ASCC3: variants seen among roughly 807,000 people sequenced by gnomAD.
ASCC3 encodes the protein activating signal cointegrator 1 complex subunit 3, also known as ASC-1 complex subunit P200.
ASCC3 carries 158 observed loss-of-function variants against 256.3 expected under a neutral mutation model. The ratio of observed to expected loss-of-function variants is 0.62; its 90% CI spans 0.54 to 0.70. ASCC3 has a LOEUF of 0.70. Among genes scored for constraint, ASCC3 ranks in the 30% least tolerant of loss-of-function variants. The pLI is 0.00. For synonymous variants in ASCC3, 948 were observed against 883.4 expected, an observed-to-expected ratio of 1.07 and a Z score of -1.30; for missense variants, 2,259 against 2,626.0, an observed-to-expected ratio of 0.86 and a Z score of 3.05.
chr6:100,525,180 A>AAAAAG (rs1774514759), intron 37 of ASCC3, among the ~76,000 whole-genome samples: 1 of 147,752 alleles, frequency 6.8e-6, no homozygotes, highest in Non-Finnish European at 1.5e-5. Flanking sequence ...AAAAAAAAAA[A>AAAAAG]AAAGAAAGAA....
intron 4 of ASCC3, among the ~76,000 whole-genome samples, chr6:100,816,950 A>T (rs921461652): frequency 6.6e-6 from 1 of 151,980 alleles, no homozygotes; most frequent in East Asian, 1.9e-4. Context: ...TAAAAAAAAA[A>T]GAAATATAGG....
intron 36 of ASCC3, among the ~76,000 whole-genome samples, chr6:100,551,702 G>T (rs536060856): frequency 1.3e-4 from 20 of 152,012 alleles, no homozygotes; most frequent in Non-Finnish European, 2.7e-4. Flanking sequence ...GATCTTCAAA[G>T]GAGCTGACAT....
intron 14 of ASCC3, among the ~76,000 whole-genome samples, chr6:100,664,493 T>G (rs1776376533): frequency 6.6e-6 from 1 of 152,134 alleles, no homozygotes; most frequent in Non-Finnish European, 1.5e-5. Flanking sequence ...AACTTACACA[T>G]TTTGAGCCTC....
At chr6:100,558,587 GTGTTTT>G (rs142740587) in intron 36 of ASCC3, among the ~76,000 whole-genome samples, 2,491 of 152,182 alleles carry the variant, frequency 0.016, 58 homozygotes, top group African/African-American at 0.057. Flanking sequence ...GATTTGTGGG[GTGTTTT>G]TGTTCCTTAT....
At chr6:100,650,967 TTTGA>T (rs931136879) in intron 19 of ASCC3, among the ~76,000 whole-genome samples, 8 of 151,836 alleles carry the variant, frequency 5.3e-5, no homozygotes, top group Non-Finnish European at 8.9e-5. Context: ...CATATAAAAA[TTTGA>T]TATGCCAAAA....
intron 1 of ASCC3, among the ~76,000 whole-genome samples, chr6:100,877,257 A>T (rs1248581366): frequency 6.6e-6 from 1 of 152,174 alleles, no homozygotes; most frequent in South Asian, 2.1e-4. Flanking sequence ...AAAAATAGTC[A>T]AAGTGATATA....
chr6:100,543,465 ATATATTAATG>A (rs1307961193), intron 36 of ASCC3, among the ~76,000 whole-genome samples: 1 of 152,038 alleles, frequency 6.6e-6, no homozygotes, highest in African/African-American at 2.4e-5. Context: ...GTAGATATGT[ATATATTAATG>A]TATAGAGAGA....
intron 8 of ASCC3, among the ~76,000 whole-genome samples, chr6:100,773,809 G>A (rs1782049155): frequency 6.6e-6 from 1 of 152,108 alleles, no homozygotes; most frequent in African/African-American, 2.4e-5. Context: ...ATAATTAAAT[G>A]AGGGGAAAAG....
At chr6:100,602,318 T>C (rs1473766618) in intron 33 of ASCC3, among the ~76,000 whole-genome samples, 1 of 152,072 alleles carries the variant, frequency 6.6e-6, no homozygotes, top group Non-Finnish European at 1.5e-5. Context: ...AATAATATTT[T>C]TCCAGATTAA....
chr6:100,817,325 A>G (rs1360567187), intron 4 of ASCC3, among the ~76,000 whole-genome samples: 1 of 151,838 alleles, frequency 6.6e-6, no homozygotes, highest in African/African-American at 2.4e-5. Context: ...ATATAAAGAA[A>G]AAGTGAGATC....
At chr6:100,657,180 A>G (rs1009528780) in intron 16 of ASCC3, among the ~76,000 whole-genome samples, 5 of 151,318 alleles carry the variant, frequency 3.3e-5, no homozygotes, top group Non-Finnish European at 7.4e-5. Context: ...TAAAACAGAG[A>G]AATGACCAAA....
chr6:100,870,140 CA>C (rs1773664821), intron 1 of ASCC3, among the ~76,000 whole-genome samples: 2 of 152,088 alleles, frequency 1.3e-5, no homozygotes, highest in Non-Finnish European at 2.9e-5. Context: ...CTGAAGAGTA[CA>C]ATTACTAAGT....
Position 100,706,607 on chromosome 6 carries a change from C to T in ASCC3, c.2151+8855G>A, listed in dbSNP as rs117486349. Among the ~76,000 whole-genome samples the T allele has an allele frequency of 4.9e-4, 74 of 151,996 alleles. 1 individual carries two copies. In the East Asian group the frequency reaches 7.4e-3, roughly 15 times the overall value. ...TACCAAAATCAAATTGTTTAACAGTCGTGCTTTCCAAGTACCTACTCGGCA... is the reference window on the plus strand; with the variant it reads ...TACCAAAATCAAATTGTTTAACAGTTGTGCTTTCCAAGTACCTACTCGGCA... On this transcript the variant is annotated intron_variant, in intron 13 of 41. Coordinates refer to ENST00000369162, the MANE Select transcript of ASCC3 (RefSeq NM_006828.4).
intron 37 of ASCC3, among the ~76,000 whole-genome samples, chr6:100,521,905 A>G (rs1562090881): frequency 6.6e-6 from 1 of 152,148 alleles, no homozygotes; most frequent in South Asian, 2.1e-4. Flanking sequence ...CCTGGCAGAT[A>G]AGGACTAATA....
chr6:100,519,682 T>G (rs1484166696), intron 37 of ASCC3, among the ~76,000 whole-genome samples: 1 of 152,144 alleles, frequency 6.6e-6, no homozygotes, highest in Non-Finnish European at 1.5e-5. Context: ...ATTTTACTTG[T>G]GATTTTACAT....
chr6:100,716,564 T>C (rs768377038), intron 12 of ASCC3, among the ~76,000 whole-genome samples: 15 of 152,034 alleles, frequency 9.9e-5, no homozygotes, highest in Admixed American at 3.3e-4. Flanking sequence ...GATGAGATGA[T>C]CATAGGATAA....
rs1440887563 is a variant in ASCC3, at chr6:100,521,376, A to G, written c.5776-3234T>C. Among the ~76,000 whole-genome samples the G allele has an allele frequency of 3.9e-5, 6 of 152,284 alleles. No homozygotes were observed. The East Asian group carries it at 1.2e-3, about 29-fold the overall frequency. ...TACGCTGAGGTTGCTAAAGCATACA[A>G]TAAGAAGGGAGGATAGTCTATCCAT... On this transcript the variant is annotated intron_variant, in intron 37 of 41. Transcript: ENST00000369162.
rs779150563 is a variant in ASCC3 at position 100,661,853 on chromosome 6, T to C, written c.2656A>G (p.Ile886Val). ...YLTLLTQRNPIESQFLESLAD... is the reference protein window; with the variant it reads ...YLTLLTQRNPVESQFLESLAD... ...AGGCTTTCCAGAAACTGACTCTCAATTGGGTTTCGTTGAGTGAGCAAAGTG... is the reference window on the plus strand; with the variant it reads ...AGGCTTTCCAGAAACTGACTCTCAACTGGGTTTCGTTGAGTGAGCAAAGTG... The change falls in exon 16 of 42, where the codon ATT (isoleucine) becomes GTT (valine). Residue 886 changes from isoleucine (I) to valine (V), a missense_variant. Around this residue, in one of 2 missense-constraint regions of ASCC3, gnomAD observed 1,839 missense variants for 2,206.7 expected, o/e 0.83. Transcript: ENST00000369162. 3.1e-6 allele frequency: 5 copies of C among 1,613,204 alleles called. No individual in the cohort carries two copies. The highest frequency in any genetic ancestry group is 1.6e-4 in the Middle Eastern group (1 of 6,080).
chr6:100,642,586 T>G lies in ASCC3; in HGVS notation c.3896A>C (p.His1299Pro), dbSNP rs759588696. The G allele has an allele frequency of 1.9e-6, 3 of 1,613,898 alleles. No individual in the cohort carries two copies. The highest frequency in any genetic ancestry group is 2.5e-6 in the Non-Finnish European group (3 of 1,179,820). Residue 1299 changes from histidine to proline, a missense_variant, in exon 24 of 42, where the codon CAT (histidine) becomes CCT (proline). This residue lies in a region of ASCC3 where 1,839 missense variants were observed against 2,206.7 expected (regional missense o/e 0.83). Transcript: ENST00000369162. ...ATCAGCATTCACCATGTTACCTGTA[T>G]GAGGAGGATGTCTCTCTGGTAGAAT... ...HLILPERHPP[H>P]TELLDLQPLP...
Sources: allele counts gnomAD v4.1 joint callset (sites outside exome capture counted in the v4.1 genomes callset), GRCh38; gene constraint gnomAD v4.1.1; regional missense constraint gnomAD v4.1.1; transcripts MANE v1.5; gene names NCBI Gene and HGNC (gene_info 2026-07-23, HGNC 2026-07-21).